The following RYR3 variants were observed in gnomAD, a reference collection of about 807,000 sequenced individuals.
RYR3 encodes brain ryanodine receptor-calcium release channel.
RYR3 carries 207 observed loss-of-function variants against 584.3 expected under a neutral mutation model. That is an observed-to-expected ratio of 0.35 (90% CI 0.32 to 0.40). The LOEUF (loss-of-function observed/expected upper bound fraction) is 0.40, where lower values mean the gene tolerates loss of function less well. RYR3 is among the 10% of genes least tolerant of loss of function. The pLI, the probability that RYR3 is intolerant of heterozygous loss-of-function variation, is 1.00. For missense variants in RYR3, 5,616 were observed against 6,089.2 expected (o/e 0.92, Z 2.59); for synonymous variants, 2,416 against 2,248.5 (o/e 1.07, Z -2.11).
At chr15:33,624,225 C>T (rs1042313489) in intron 20 of RYR3, among the ~76,000 whole-genome samples, 6 of 152,238 alleles carry the variant, frequency 3.9e-5, no homozygotes, top group African/African-American at 1.2e-4. Context: ...ACATGTTGAG[C>T]ACCTGCTACG....
chr15:33,375,569 A>C (rs542324425), intron 1 of RYR3, among the ~76,000 whole-genome samples: 4 of 152,368 alleles, frequency 2.6e-5, no homozygotes, highest in Admixed American at 6.5e-5. Context: ...AACCACTCTT[A>C]AAGTTCACTG....
intron 67 of RYR3, among the ~76,000 whole-genome samples, chr15:33,794,110 A>ATACATAAATATATATAAAT (rs1488725993): frequency 1.9e-5 from 1 of 52,136 alleles, no homozygotes; most frequent in Non-Finnish European, 4.2e-5. Context: ...ATATAAATAT[A>ATACATAAATATATATAAAT]ATATACATAA....
intron 86 of RYR3, among the ~76,000 whole-genome samples, chr15:33,834,350 CTAAGTTATTCCTCT>C (rs2077895891): frequency 2.0e-5 from 3 of 150,186 alleles, no homozygotes; most frequent in South Asian, 4.2e-4. Flanking sequence ...AAAATGCAAA[CTAAGTTATTCCTCT>C]ACATTTGGCT....
intron 1 of RYR3, among the ~76,000 whole-genome samples, chr15:33,441,659 C>A (rs1229070480): frequency 1.3e-5 from 2 of 152,186 alleles, no homozygotes; most frequent in Non-Finnish European, 2.9e-5. Context: ...ATTAAGCTTA[C>A]AAAATGTTCA....
intron 43 of RYR3, among the ~76,000 whole-genome samples, chr15:33,720,253 C>T (rs972526544): frequency 2.6e-5 from 4 of 152,202 alleles, no homozygotes; most frequent in African/African-American, 7.2e-5. Flanking sequence ...GACTGGACTA[C>T]ACCTGTGGTC....
Position 33,739,891 on chromosome 15 carries a change from C to A in RYR3, c.7716C>A (p.Ala2572=). The part of the protein sequence containing the change: ...ALPCLSAIAG[A]LPPDYLDTRI... ...CTTGTCTCAGTGCTATAGCTGGGGCCTTGCCACCAGATTATTTAGATACCA... is the reference window on the plus strand; with the variant it reads ...CTTGTCTCAGTGCTATAGCTGGGGCATTGCCACCAGATTATTTAGATACCA... The change falls in exon 51 of 104, where the codon GCC becomes GCA. Residue 2572 remains alanine (A), a synonymous_variant. Coordinates refer to ENST00000634891, the MANE Select transcript of RYR3 (RefSeq NM_001036.6). 6.2e-7 allele frequency: 1 copy of A among 1,613,688 alleles called. No individual in the cohort carries two copies. Among genetic ancestry groups the A allele is most frequent in the Non-Finnish European group, 8.5e-7 (1 of 1,179,754 alleles).
At chr15:33,700,365 C>CTGCATATG (rs1187463090) in intron 41 of RYR3, among the ~76,000 whole-genome samples, 2 of 152,370 alleles carry the variant, frequency 1.3e-5, no homozygotes, top group African/African-American at 4.8e-5. Flanking sequence ...AAGCAAGTCA[C>CTGCATATG]TGCATATGCC....
chr15:33,423,619 A>G (rs2044392507), intron 1 of RYR3, among the ~76,000 whole-genome samples: 1 of 151,452 alleles, frequency 6.6e-6, no homozygotes, highest in South Asian at 2.1e-4. Context: ...GAGGATTCTG[A>G]TTTCTCCACA....
At chr15:33,440,595 T>G (rs1280820506) in intron 1 of RYR3, among the ~76,000 whole-genome samples, 1 of 152,158 alleles carries the variant, frequency 6.6e-6, no homozygotes, top group Non-Finnish European at 1.5e-5. Context: ...CAAAGAATGA[T>G]CTGATCCAAA....
chr15:33,312,211 C>T (rs538317388), intron 1 of RYR3, among the ~76,000 whole-genome samples: 27 of 152,204 alleles, frequency 1.8e-4, no homozygotes, highest in Admixed American at 4.6e-4. Flanking sequence ...CTCTCACTTC[C>T]CTTTAAGGGT....
intron 18 of RYR3, among the ~76,000 whole-genome samples, chr15:33,604,587 G>T (rs1473761739): frequency 3.3e-5 from 5 of 152,208 alleles, no homozygotes; most frequent in Admixed American, 1.3e-4. Context: ...TGTTCTGTGT[G>T]TCCCAGAGGA....
chr15:33,355,240 A>G (rs1191971258), intron 1 of RYR3, among the ~76,000 whole-genome samples: 1 of 151,754 alleles, frequency 6.6e-6, no homozygotes, highest in East Asian at 1.9e-4. Context: ...TCATCTTTAT[A>G]TTTTCCAAAA....
intron 3 of RYR3, among the ~76,000 whole-genome samples, chr15:33,508,966 A>T (rs1287770874): frequency 1.3e-5 from 2 of 152,170 alleles, no homozygotes; most frequent in Admixed American, 1.3e-4. Context: ...GTGACCTTGT[A>T]AACGGCCAGT....
At chr15:33,728,718 T>C (rs1308395072) in intron 46 of RYR3, 139 bp from the exon 47 acceptor site, 3 of 765,364 alleles carry the variant, frequency 3.9e-6, no homozygotes, top group Non-Finnish European at 3.8e-6. Context: ...ATTTTTGGAT[T>C]TGAGATGCTC....
intron 1 of RYR3, among the ~76,000 whole-genome samples, chr15:33,347,502 A>G (rs1052098845): frequency 6.7e-6 from 1 of 149,692 alleles, no homozygotes; most frequent in Admixed American, 6.7e-5. Flanking sequence ...GCTGGAGTGC[A>G]GTGGTGCTAT....
intron 57 of RYR3, among the ~76,000 whole-genome samples, chr15:33,754,041 A>C (rs1171415977): frequency 6.6e-6 from 1 of 152,194 alleles, no homozygotes; most frequent in Admixed American, 6.5e-5. Flanking sequence ...GCTACTCGGG[A>C]GGCTGAGGCA....
At chr15:33,548,352 T>G in intron 9 of RYR3, 148 bp downstream of exon 9, 1 of 580,444 alleles carries the variant, frequency 1.7e-6, no homozygotes, top group Non-Finnish European at 3.0e-6. Context: ...TCTGTGACTT[T>G]GTTTTTAAAG....
At chr15:33,382,367 A>C (rs1595912434) in intron 1 of RYR3, among the ~76,000 whole-genome samples, 1 of 116,976 alleles carries the variant, frequency 8.5e-6, no homozygotes. Flanking sequence ...TTTGTCGCCC[A>C]GGCTGGAGTA....
At chr15:33,601,366 C>T (rs12906396) in intron 16 of RYR3, 53 bp from the exon 17 acceptor site, 1 of 1,585,904 alleles carries the variant, frequency 6.3e-7, no homozygotes, top group Non-Finnish European at 8.6e-7. Context: ...GGTGGTCCTG[C>T]CTGCTGTGCC....
Sources: gnomAD v4.1 joint callset for allele counts (sites outside exome capture counted in the v4.1 genomes callset) on GRCh38, gnomAD v4.1.1 for gene constraint, MANE v1.5 for transcripts, NCBI Gene and HGNC (gene_info 2026-07-23, HGNC 2026-07-21) for gene names.